Variants in SYNE2 observed in about 807,000 individuals in gnomAD.
SYNE2 encodes spectrin repeat containing nuclear envelope protein 2.
In SYNE2, 431 loss-of-function variants were observed where a neutral mutation model predicts 856.3. The ratio of observed to expected loss-of-function variants is 0.50; its 90% confidence interval spans 0.47 to 0.55. SYNE2 has a LOEUF of 0.55. SYNE2 is among the 20% of genes least tolerant of loss of function. SYNE2 has a pLI of 0.00. For synonymous variants in SYNE2, 2,923 were observed against 2,872.3 expected (o/e 1.02, Z -0.56); for missense variants, 8,129 against 8,023.2 (o/e 1.01, Z -0.50).
At chr14:63,865,720 C>CA (rs1555352367) in intron 1 of SYNE2, among the ~76,000 whole-genome samples, 1 of 116,420 alleles carries the variant, frequency 8.6e-6, no homozygotes, top group African/African-American at 3.5e-5. Flanking sequence ...ACCCACCCCC[C>CA]CCCCAAAAAA....
chr14:63,924,998 T>C (rs994186622), intron 2 of SYNE2, among the ~76,000 whole-genome samples: 2 of 152,090 alleles, frequency 1.3e-5, no homozygotes, highest in Non-Finnish European at 2.9e-5. Flanking sequence ...TCAGTGTTCT[T>C]CATCACATTA....
chr14:63,974,914 A>ATATATATATATATATATATATATG (rs1260422403), intron 11 of SYNE2, among the ~76,000 whole-genome samples: 1 of 85,530 alleles, frequency 1.2e-5, no homozygotes, highest in Non-Finnish European at 2.3e-5. Flanking sequence ...ATATATATAT[A>ATATATATATATATATATATATATG]TATGTATCTT....
chr14:63,922,538 C>T (rs947439320), intron 2 of SYNE2, among the ~76,000 whole-genome samples: 2 of 152,126 alleles, frequency 1.3e-5, no homozygotes, highest in East Asian at 1.9e-4. Flanking sequence ...TGCAGTGGCT[C>T]ACGTGTATAA....
chr14:64,109,225 T>C (rs2097790052), intron 65 of SYNE2, among the ~76,000 whole-genome samples: 1 of 151,162 alleles, frequency 6.6e-6, no homozygotes, highest in African/African-American at 2.4e-5. Context: ...CTGGTGTGGA[T>C]AACCTCTAGG....
chr14:64,024,041 G>C (rs927094550), intron 38 of SYNE2: 3 of 497,604 alleles, frequency 6.0e-6, no homozygotes, highest in African/African-American at 5.8e-5. Context: ...CTTCCTGGTG[G>C]CTCTGTGTTA....
At position 64,098,144 on chromosome 14, in the gene SYNE2, A is replaced by G; in HGVS notation, c.12304A>G (p.Lys4102Glu). 6.2e-7 allele frequency: 1 copy of G among 1,613,912 alleles called. No individual in the cohort carries two copies. Among genetic ancestry groups the G allele is most frequent in the Non-Finnish European group, 8.5e-7 (1 of 1,179,920 alleles). ...GGCAGAGAGGGATGCTTCTGAGCGG[A>G]AGGTGGGTATGACTTTAGGTTAATG... ...GVAERDASER[K>E]LNRRGSMSYL... The change falls in exon 62 of 116, where the codon AAG (lysine) becomes GAG (glutamate). Residue 4102 changes from lysine to glutamate, a missense_variant and splice_region_variant. Transcript: ENST00000555002.
Position 64,055,962 on chromosome 14 carries a change from T to G in SYNE2, c.9763T>G (p.Tyr3255Asp), listed in dbSNP as rs550381432. The G allele has an allele frequency of 2.4e-5, 38 of 1,613,790 alleles. No individual in the cohort carries two copies. In the South Asian group the frequency reaches 3.6e-4, roughly 15 times the overall value. The change falls in exon 49 of 116, where the codon TAT becomes GAT. Residue 3255 changes from tyrosine to aspartate, a missense_variant. Coordinates refer to ENST00000555002, the MANE Select transcript of SYNE2 (RefSeq NM_182914.3). The part of the protein sequence containing the change: ...DLRTNVLNDA[Y>D]ENLTRYKEAV... ...TCACTAGAATGTCTTGAATGATGCT[T>G]ATGAAAATCTAACACGCTATAAAGA...
At chr14:64,219,520 T>TG in intron 110 of SYNE2, 110 bp downstream of exon 110, 2 of 1,056,292 alleles carry the variant, frequency 1.9e-6, no homozygotes, top group Non-Finnish European at 2.9e-6. Flanking sequence ...AGCTTGCAGA[T>TG]GGTGTATGTA....
chr14:64,172,501 C>T (rs953669798), intron 94 of SYNE2, among the ~76,000 whole-genome samples: 2 of 152,138 alleles, frequency 1.3e-5, no homozygotes, highest in Non-Finnish European at 2.9e-5. Context: ...TATATGGTAC[C>T]CCAATGGTTT....
At chr14:63,981,959 C>CTATAAAA (rs1264214016) in intron 16 of SYNE2, among the ~76,000 whole-genome samples, 36 of 152,294 alleles carry the variant, frequency 2.4e-4, no homozygotes, top group African/African-American at 8.7e-4. Flanking sequence ...AACAGTCTTT[C>CTATAAAA]TGTCTTTAAA....
intron 1 of SYNE2, among the ~76,000 whole-genome samples, chr14:63,858,698 T>C (rs1309485922): frequency 6.6e-6 from 1 of 152,178 alleles, no homozygotes; most frequent in East Asian, 1.9e-4. Flanking sequence ...TACTGTAATA[T>C]TGTAACAGTA....
At chr14:63,848,301 C>T (rs1186234215), upstream of SYNE2, 1 of 152,198 alleles carries the variant, frequency 6.6e-6, no homozygotes, top group East Asian at 1.9e-4. Flanking sequence ...GAAGAAGGAA[C>T]AAAGAAATCT....
chr14:64,009,364 C>T (rs1253396323), intron 31 of SYNE2, among the ~76,000 whole-genome samples: 1 of 151,840 alleles, frequency 6.6e-6, no homozygotes, highest in African/African-American at 2.4e-5. Context: ...GATGAAACCC[C>T]TTCTCTACTA....
chr14:63,827,381 T>C (rs1889474640), intron 1 of SYNE2, among the ~76,000 whole-genome samples: 1 of 151,512 alleles, frequency 6.6e-6, no homozygotes, highest in South Asian at 2.1e-4. Flanking sequence ...TCCCAGCACT[T>C]TGGGAGACCG....
chr14:64,072,851 T>A (rs943295080), intron 52 of SYNE2, among the ~76,000 whole-genome samples: 1 of 152,244 alleles, frequency 6.6e-6, no homozygotes, highest in Non-Finnish European at 1.5e-5. Flanking sequence ...TTGATACCTT[T>A]CTTGGGTTCA....
At chr14:63,802,785 T>C (rs1595123931) in intron 1 of SYNE2, among the ~76,000 whole-genome samples, 1 of 151,866 alleles carries the variant, frequency 6.6e-6, no homozygotes, top group Non-Finnish European at 1.5e-5. Context: ...GGCTCAGGAG[T>C]GAAGCTGCAG....
rs779052508 is a variant in SYNE2, at chr14:64,139,924, C to T, written c.14844-17C>T. 4 of 1,613,890 alleles carry T rather than the reference C, an allele frequency of 2.5e-6. No homozygotes were observed. Among genetic ancestry groups the T allele is most frequent in the Non-Finnish European group, 3.4e-6 (4 of 1,179,900 alleles). ...TATGTTTCTAATCTGCCTTCTCTCT[C>T]ACTTTGCTCCTGTTAGTTATAACAG... On this transcript the variant is annotated splice_polypyrimidine_tract_variant and intron_variant, in intron 79 of 115. Transcript: ENST00000555002.
intron 114 of SYNE2, among the ~76,000 whole-genome samples, 168 bp from the exon 115 acceptor site, chr14:64,224,831 C>T (rs1355329569): frequency 6.6e-6 from 1 of 152,180 alleles, no homozygotes; most frequent in Non-Finnish European, 1.5e-5. Context: ...CTAATTATTT[C>T]CTACTTCAGG....
At chr14:64,163,295 A>G in intron 88 of SYNE2, 107 bp from the exon 89 acceptor site, 4 of 1,271,764 alleles carry the variant, frequency 3.1e-6, no homozygotes, top group Non-Finnish European at 4.5e-6. Flanking sequence ...GATCATGCCT[A>G]CGTTTTCAGG....
Sources: allele counts gnomAD v4.1 joint callset (sites outside exome capture counted in the v4.1 genomes callset), GRCh38; gene constraint gnomAD v4.1.1; transcripts MANE v1.5; gene names NCBI Gene and HGNC (gene_info 2026-07-23, HGNC 2026-07-21).